MDGA2: variants seen among roughly 807,000 people sequenced by gnomAD.
MDGA2 encodes the protein MAM domain containing glycosylphosphatidylinositol anchor 2.
MDGA2 carries 40 observed loss-of-function variants against 117.8 expected under a neutral mutation model. The ratio of observed to expected loss-of-function variants is 0.34; its 90% CI spans 0.26 to 0.44. The LOEUF (loss-of-function observed/expected upper bound fraction) is 0.44, where lower values mean the gene tolerates loss of function less well. Among genes scored for constraint, MDGA2 ranks in the 20% least tolerant of loss-of-function variants. MDGA2 has a pLI of 1.00. For missense variants in MDGA2, 1,123 were observed against 1,250.6 expected (o/e 0.90, Z 1.54); for synonymous variants, 452 against 439.0 (o/e 1.03, Z -0.37).
At chr14:47,404,072 A>G (rs1307901961) in intron 1 of MDGA2, among the ~76,000 whole-genome samples, 1 of 152,226 alleles carries the variant, frequency 6.6e-6, no homozygotes, top group East Asian at 1.9e-4. Flanking sequence ...GTCACGTAAA[A>G]TTTATATTAA....
At chr14:47,483,928 A>G (rs983308439) in intron 1 of MDGA2, among the ~76,000 whole-genome samples, 2 of 152,178 alleles carry the variant, frequency 1.3e-5, no homozygotes, top group Non-Finnish European at 2.9e-5. Context: ...TCTACCCAGT[A>G]TTGGTAAAAA....
chr14:46,951,012 G>A (rs955193835), intron 9 of MDGA2, among the ~76,000 whole-genome samples: 2 of 151,812 alleles, frequency 1.3e-5, no homozygotes, highest in African/African-American at 4.8e-5. Flanking sequence ...TGATATTAAA[G>A]TCCTCAGTCA....
chr14:47,600,382 G>A (rs535087638), intron 1 of MDGA2, among the ~76,000 whole-genome samples: 11 of 151,982 alleles, frequency 7.2e-5, no homozygotes, highest in East Asian at 1.9e-4. Flanking sequence ...TGCAGTCAGC[G>A]GCAATCACGC....
intron 7 of MDGA2, among the ~76,000 whole-genome samples, chr14:47,046,297 GAAACC>G (rs140575371): frequency 0.082 from 12,527 of 152,068 alleles, 695 homozygotes; most frequent in Admixed American, 0.14. Flanking sequence ...CTGAGAACTA[GAAACC>G]AATTCCTCAA....
chr14:47,631,707 C>T (rs1373064979), intron 1 of MDGA2, among the ~76,000 whole-genome samples: 1 of 152,168 alleles, frequency 6.6e-6, no homozygotes, highest in Non-Finnish European at 1.5e-5. Context: ...TGCTGCAACA[C>T]TGCACTTTCC....
At chr14:46,874,492 GA>G (rs1882145707) in intron 12 of MDGA2, among the ~76,000 whole-genome samples, 1 of 151,722 alleles carries the variant, frequency 6.6e-6, no homozygotes. Flanking sequence ...ATTTATGCTT[GA>G]ATTATTGCTG....
intron 2 of MDGA2, among the ~76,000 whole-genome samples, chr14:47,279,662 A>ATTTT (rs1336895379): frequency 4.0e-4 from 60 of 150,870 alleles, no homozygotes; most frequent in Non-Finnish European, 6.1e-4. Context: ...TTTTTTTAAA[A>ATTTT]AAAAATCATG....
At chr14:47,308,502 GTT>G (rs68070912) in intron 1 of MDGA2, among the ~76,000 whole-genome samples, 2,956 of 112,886 alleles carry the variant, frequency 0.026, 73 homozygotes, top group East Asian at 0.14. Flanking sequence ...CTTTCTGTTA[GTT>G]TTTTTTTTTT....
At chr14:47,561,158 G>GTTTTTTTTTTTTTTT (rs200625450) in intron 1 of MDGA2, among the ~76,000 whole-genome samples, 2 of 55,080 alleles carry the variant, frequency 3.6e-5, no homozygotes, top group Admixed American at 5.0e-4. Context: ...TTTTTGTTTT[G>GTTTTTTTTTTTTTTT]TTTTGTTTTT....
At chr14:47,530,332 A>C (rs1475408520) in intron 1 of MDGA2, among the ~76,000 whole-genome samples, 1 of 152,096 alleles carries the variant, frequency 6.6e-6, no homozygotes, top group Admixed American at 6.6e-5. Flanking sequence ...TCCTGTTTCT[A>C]CTGATTGTTT....
chr14:47,113,008 T>G (rs1287975467), intron 5 of MDGA2, among the ~76,000 whole-genome samples: 1 of 152,176 alleles, frequency 6.6e-6, no homozygotes, highest in Non-Finnish European at 1.5e-5. Context: ...GTTGAGCTTT[T>G]TCTCATATGC....
At chr14:47,338,377 T>C (rs544511929) in intron 1 of MDGA2, among the ~76,000 whole-genome samples, 9 of 151,938 alleles carry the variant, frequency 5.9e-5, no homozygotes, top group African/African-American at 9.7e-5. Context: ...AAAAGGTCTA[T>C]CTGGATAGAC....
chr14:47,435,877 G>A (rs1295529968), intron 1 of MDGA2, among the ~76,000 whole-genome samples: 7 of 152,206 alleles, frequency 4.6e-5, no homozygotes, highest in African/African-American at 7.2e-5. Flanking sequence ...CTGGCAGAAC[G>A]TGGCTGTCAA....
intron 5 of MDGA2, among the ~76,000 whole-genome samples, chr14:47,097,910 A>G (rs1880069548): frequency 1.3e-5 from 2 of 152,000 alleles, no homozygotes; most frequent in Non-Finnish European, 2.9e-5. Flanking sequence ...ATTCAGTAGA[A>G]AAAGCTGTGT....
chr14:47,653,880 G>A (rs766796040), intron 1 of MDGA2, among the ~76,000 whole-genome samples: 20 of 152,130 alleles, frequency 1.3e-4, no homozygotes, highest in South Asian at 2.1e-4. Flanking sequence ...TGTAGAAGTT[G>A]GGAAGAGCAA....
chr14:47,011,325 T>A (rs1269574468), intron 8 of MDGA2, among the ~76,000 whole-genome samples: 1 of 152,042 alleles, frequency 6.6e-6, no homozygotes, highest in Non-Finnish European at 1.5e-5. Context: ...AGAATGTACA[T>A]ACCATTCATC....
intron 10 of MDGA2, 105 bp from the exon 11 acceptor site, chr14:46,882,326 T>A: frequency 3.4e-6 from 3 of 892,908 alleles, no homozygotes; most frequent in Non-Finnish European, 5.0e-6. Context: ...AAAGTACGTA[T>A]ATTAATGAAT....
intron 2 of MDGA2, among the ~76,000 whole-genome samples, chr14:47,294,331 A>C (rs1335725298): frequency 6.6e-6 from 1 of 151,978 alleles, no homozygotes; most frequent in Non-Finnish European, 1.5e-5. Flanking sequence ...TCCTGAGCTC[A>C]AGCAATCTGC....
At chr14:47,149,350 T>C (rs1054260428) in intron 3 of MDGA2, among the ~76,000 whole-genome samples, 3 of 151,944 alleles carry the variant, frequency 2.0e-5, no homozygotes, top group Admixed American at 2.0e-4. Flanking sequence ...AACTAAGAAC[T>C]ACCTCCTAGC....
Sources: gnomAD v4.1 joint callset for allele counts (sites outside exome capture counted in the v4.1 genomes callset) on GRCh38, gnomAD v4.1.1 for gene constraint, MANE v1.5 for transcripts, NCBI Gene and HGNC (gene_info 2026-07-23, HGNC 2026-07-21) for gene names.